CEMIP2: variants seen among roughly 807,000 people sequenced by gnomAD.
The protein encoded by CEMIP2 is cell migration inducing hyaluronidase 2.
Under a neutral mutation model 146.9 loss-of-function variants are expected in CEMIP2, and 79 were observed. The ratio of observed to expected loss-of-function variants is 0.54; its 90% CI spans 0.45 to 0.65. CEMIP2 has a LOEUF of 0.65. CEMIP2 is among the 30% of genes least tolerant of loss of function. The pLI, the probability that CEMIP2 is intolerant of heterozygous loss-of-function variation, is 0.00. For missense variants in CEMIP2, 1,596 were observed against 1,696.2 expected, an observed-to-expected ratio of 0.94 and a Z score of 1.04; for synonymous variants, 601 against 606.3, an observed-to-expected ratio of 0.99 and a Z score of 0.13.
intron 20 of CEMIP2, 95 bp from the exon 21 acceptor site, chr9:71,694,702 T>C: frequency 2.6e-6 from 2 of 774,274 alleles, no homozygotes; most frequent in South Asian, 1.6e-5. Flanking sequence ...AGCCAGTGGT[T>C]GTATTTCTTA....
rs1184103069 is a variant in CEMIP2, at chr9:71,732,403, G to A, written c.1511C>T (p.Ala504Val). 1 of 1,613,500 alleles carries A rather than the reference G, an allele frequency of 6.2e-7. No individual in the cohort carries two copies. The highest frequency in any genetic ancestry group is 8.5e-7 in the Non-Finnish European group (1 of 1,179,912). ...ATCAAAAAATTGGCACTGATTTTCT[G>A]CGTAGCATGAGTCCTCCACTTCTCC... ...IQGEVEDSCY[A>V]ENQCQFFDYD... Residue 504 changes from alanine (A) to valine (V), a missense_variant, in exon 7 of 24, where the codon GCA (alanine) becomes GTA (valine). Transcript: ENST00000377044.
At chr9:71,728,971 T>C (rs1436307465) in intron 10 of CEMIP2, among the ~76,000 whole-genome samples, 5 of 151,408 alleles carry the variant, frequency 3.3e-5, no homozygotes, top group East Asian at 2.0e-4. Flanking sequence ...GCTGGGACAA[T>C]AGGCAAACAC....
At chr9:71,700,475 A>G (rs535689929) in intron 19 of CEMIP2, among the ~76,000 whole-genome samples, 167 bp downstream of exon 19, 6 of 152,108 alleles carry the variant, frequency 3.9e-5, no homozygotes, top group East Asian at 1.9e-4. Flanking sequence ...ACTGCCAACT[A>G]TAATTACGAG....
At chr9:71,760,978 TC>T (rs1274414807) in intron 1 of CEMIP2, among the ~76,000 whole-genome samples, 1 of 152,228 alleles carries the variant, frequency 6.6e-6, no homozygotes, top group Non-Finnish European at 1.5e-5. Context: ...CTCCCTTCCT[TC>T]CCAGTGATCC....
At chr9:71,748,671 G>A (rs906281166) in intron 2 of CEMIP2, among the ~76,000 whole-genome samples, 2 of 152,196 alleles carry the variant, frequency 1.3e-5, no homozygotes, top group Non-Finnish European at 2.9e-5. Context: ...CTGGGAAAAG[G>A]AGAGAGGAAG....
At position 71,728,247 on chromosome 9, in the gene CEMIP2, A is replaced by ACG. The variant is rs1347431342; in HGVS notation, c.2049+1597_2049+1598insCG. Among the ~76,000 whole-genome samples the ACG allele has an allele frequency of 1.7e-3, 82 of 47,114 alleles. 5 individuals are homozygous for ACG. Among genetic ancestry groups the ACG allele is most frequent in the Non-Finnish European group, 2.1e-3 (44 of 21,204 alleles). 30.9% of individuals were successfully genotyped at this position (47,114 alleles called of 152,430 possible). Reference sequence around the variant, plus strand: ...TCTCTCTCTCTATATATATATATATATATGTATATACACGTATATATATAT... The same window carrying ACG: ...TCTCTCTCTCTATATATATATATATACGTATGTATATACACGTATATATATAT... On this transcript the variant is annotated intron_variant, in intron 10 of 23. Transcript: ENST00000377044.
At chr9:71,765,674 C>A (rs1024577990) in intron 1 of CEMIP2, among the ~76,000 whole-genome samples, 30 of 152,160 alleles carry the variant, frequency 2.0e-4, no homozygotes, top group Non-Finnish European at 4.3e-4. Context: ...GCGTTCTGTG[C>A]GTAATTCTCC....
intron 10 of CEMIP2, among the ~76,000 whole-genome samples, chr9:71,728,872 C>T (rs1207351726): frequency 6.6e-6 from 1 of 151,556 alleles, no homozygotes; most frequent in Non-Finnish European, 1.5e-5. Flanking sequence ...CACTCTGTTA[C>T]CCGGGCTGGA....
chr9:71,698,925 GA>G (rs1589130226), intron 19 of CEMIP2, among the ~76,000 whole-genome samples: 1 of 151,012 alleles, frequency 6.6e-6, no homozygotes, highest in Non-Finnish European at 1.5e-5. Flanking sequence ...TTGATTACTA[GA>G]AATGAAGAAT....
intron 11 of CEMIP2, 95 bp from the exon 12 acceptor site, chr9:71,722,610 T>C: frequency 2.1e-6 from 2 of 973,600 alleles, no homozygotes; most frequent in Non-Finnish European, 3.0e-6. Flanking sequence ...GCTTATCACT[T>C]CTACCAAAAA....
intron 17 of CEMIP2, among the ~76,000 whole-genome samples, chr9:71,706,642 A>G (rs1822749268): frequency 6.6e-6 from 1 of 152,202 alleles, no homozygotes; most frequent in South Asian, 2.1e-4. Context: ...TAAAAGAGCT[A>G]CCATAACCAC....
In CEMIP2 at chr9:71,756,191, C is replaced by CTAGATAGA. The variant is rs144371815; in HGVS notation, c.-12-5814_-12-5807dup. The stretch of plus-strand genomic sequence containing the variant: ...CCTGCCAAGGAATTAAGCAAAAATG[C>CTAGATAGA]TAGATAGATAGATAGATAGATAGGC... On this transcript the variant is annotated intron_variant, in intron 1 of 23. Transcript: ENST00000377044. Among the ~76,000 whole-genome samples the CTAGATAGA allele has an allele frequency of 2.1e-4, 27 of 128,480 alleles. 1 individual carries two copies. Among genetic ancestry groups the CTAGATAGA allele is most frequent in the Admixed American group, 1.7e-3 (22 of 13,036 alleles). 84.3% of individuals were successfully genotyped at this position (128,480 alleles called of 152,430 possible).
chr9:71,704,739 G>C lies in CEMIP2; in HGVS notation c.3050C>G (p.Ser1017Cys). Residue 1017 changes from serine to cysteine, a missense_variant, in exon 18 of 24, where the codon TCC (serine) becomes TGC (cysteine). Ser to Cys is a moderately radical substitution (Grantham distance 112). Transcript: ENST00000377044. ...SMTITRDEYP[S>C]NPMVLRGINQ... ...AATACCTCGGAGCACCATAGGGTTG[G>C]ACGGATACTCATCTCGTGTAATGGT... 1 of 1,614,200 alleles carries C rather than the reference G, an allele frequency of 6.2e-7. No individual in the cohort carries two copies. The highest frequency in any genetic ancestry group is 1.6e-4 in the Middle Eastern group (1 of 6,062).
chr9:71,745,189 T>A lies in CEMIP2; in HGVS notation c.863A>T (p.His288Leu). ...KILESERFDTHEYRNESRRLQ... is the reference protein window; with the variant it reads ...KILESERFDTLEYRNESRRLQ... ...CCGCCTGCTCTCATTGCGGTATTCA[T>A]GGGTATCAAATCTCTCACTTTCCAA... Residue 288 changes from histidine (H) to leucine (L), a missense_variant, in exon 4 of 24, where the codon CAT becomes CTT. Transcript: ENST00000377044. 1 of 1,614,150 alleles carries A rather than the reference T, an allele frequency of 6.2e-7. No individual in the cohort carries two copies. Among genetic ancestry groups the A allele is most frequent in the Non-Finnish European group, 8.5e-7 (1 of 1,180,006 alleles).
chr9:71,715,236 G>GTT, intron 14 of CEMIP2, 147 bp from the exon 15 acceptor site: 1 of 378,720 alleles, frequency 2.6e-6, no homozygotes, highest in Non-Finnish European at 4.2e-6. Context: ...TTCAGAAACT[G>GTT]CTTTTTTTTT....
chr9:71,742,721 C>T (rs972643977), intron 4 of CEMIP2, among the ~76,000 whole-genome samples: 2 of 152,114 alleles, frequency 1.3e-5, no homozygotes, highest in Non-Finnish European at 2.9e-5. Flanking sequence ...GATAATGAAA[C>T]AAAGTAGGTA....
At chr9:71,750,906 T>C (rs887282077) in intron 1 of CEMIP2, among the ~76,000 whole-genome samples, 4 of 152,042 alleles carry the variant, frequency 2.6e-5, no homozygotes, top group African/African-American at 9.6e-5. Context: ...CCCACGATGA[T>C]TGGCTAATTT....
intron 18 of CEMIP2, among the ~76,000 whole-genome samples, 183 bp from the exon 19 acceptor site, chr9:71,701,007 A>G (rs538161885): frequency 6.6e-6 from 1 of 152,376 alleles, no homozygotes; most frequent in Non-Finnish European, 1.5e-5. Context: ...ACCATGGCAT[A>G]CTAACAAATC....
In CEMIP2 at chr9:71,722,515, C is replaced by G. The variant is rs1166913062; in HGVS notation, c.2179G>C (p.Ala727Pro). The G allele has an allele frequency of 6.2e-7, 1 of 1,609,868 alleles. No individual in the cohort carries two copies. The highest frequency in any genetic ancestry group is 8.5e-7 in the Non-Finnish European group (1 of 1,177,146). ...ACACCTTTGTCAATAAATAAGCCAG[C>G]CTGAAAAATATAAATAATGGACTGG... is the stretch of plus-strand genomic sequence containing the variant. ...YNNRVHSNFK[A>P]GLFIDKGVKT... The change falls in exon 12 of 24, where the codon GCT becomes CCT. Residue 727 changes from alanine (A) to proline (P), a missense_variant and splice_region_variant. Coordinates refer to ENST00000377044, the MANE Select transcript of CEMIP2 (RefSeq NM_013390.3).
Sources: gnomAD v4.1 joint callset for allele counts (sites outside exome capture counted in the v4.1 genomes callset) on GRCh38, gnomAD v4.1.1 for gene constraint, MANE v1.5 for transcripts, NCBI Gene and HGNC (gene_info 2026-07-23, HGNC 2026-07-21) for gene names.